The following GP6 variants were observed in gnomAD, a reference collection of about 807,000 sequenced individuals.
GP6 encodes glycoprotein VI platelet.
A neutral mutation model predicts 37.3 loss-of-function variants in GP6; 45 were observed. The ratio of observed to expected loss-of-function variants is 1.21; its 90% confidence interval spans 0.95 to 1.55. The LOEUF (loss-of-function observed/expected upper bound fraction) is 1.55, where lower values mean the gene tolerates loss of function less well. Ranked by LOEUF, GP6 falls within the 40% of genes most tolerant of loss-of-function variation. GP6 has a pLI of 0.00. For missense variants in GP6, 813 were observed against 760.2 expected, an observed-to-expected ratio of 1.07 and a Z score of -0.82; for synonymous variants, 340 against 316.4, an observed-to-expected ratio of 1.07 and a Z score of -0.79.
chr19:55,032,412 G>C lies in GP6; in HGVS notation c.68-16C>G, dbSNP rs374599246. ...GGGAGCGGTCCTGGAAGAGGAGCAGGGCTGGGTCAGCCTCCCCGCAGACCC... is the reference window on the plus strand; with the variant it reads ...GGGAGCGGTCCTGGAAGAGGAGCAGCGCTGGGTCAGCCTCCCCGCAGACCC... On this transcript the variant is annotated splice_polypyrimidine_tract_variant and intron_variant, in intron 2 of 7. Transcript: ENST00000310373. 6.2e-7 allele frequency: 1 copy of C among 1,611,942 alleles called. No homozygotes were observed. The highest frequency in any genetic ancestry group is 1.3e-5 in the African/African-American group (1 of 75,034).
At chr19:55,022,774 A>G (rs187626811) in intron 5 of GP6, among the ~76,000 whole-genome samples, 2 of 152,338 alleles carry the variant, frequency 1.3e-5, no homozygotes, top group Admixed American at 1.3e-4. Context: ...TACAAAGAGA[A>G]TAAAATACCT....
rs770304194 is a variant in GP6 at position 55,014,451 on chromosome 19, G to A, written c.1494C>T (p.Cys498=). Residue 498 remains cysteine (C), a synonymous_variant, in exon 8 of 8, where the codon TGC becomes TGT. Coordinates refer to ENST00000310373, the MANE Select transcript of GP6 (RefSeq NM_001083899.2). ...GAGACGAAAGGAGATTTGTTAGACC[G>A]CAGTGGGAGATGGAGTGAGGGTGAG... The A allele has an allele frequency of 1.1e-5, 17 of 1,613,046 alleles. No individual in the cohort carries two copies. The highest frequency in any genetic ancestry group is 6.7e-5 in the East Asian group (3 of 44,872).
At chr19:55,027,496 C>T in intron 4 of GP6, 82 bp downstream of exon 4, 1 of 1,170,100 alleles carries the variant, frequency 8.5e-7, no homozygotes, top group East Asian at 2.3e-5. Context: ...CCACTTCCTT[C>T]CCACTTATGG....
rs2073737204 is a variant in GP6 at position 55,013,879 on chromosome 19, T to C, written c.*203A>G. On this transcript the variant is annotated 3_prime_UTR_variant, in exon 8 of 8. Transcript: ENST00000310373. ...CCCAGTGGTACAGTTTTACACTCAT[T>C]AGATGGTCAAGAAATGCCTAAACGC... 5.5e-6 allele frequency: 2 copies of C among 363,242 alleles called. No individual in the cohort carries two copies. Among genetic ancestry groups the C allele is most frequent in the South Asian group, 2.1e-5 (1 of 47,882 alleles). 22.5% of individuals were successfully genotyped at this position (363,242 alleles called of 1,614,324 possible).
chr19:55,018,976 G>T (rs770170610), intron 5 of GP6, among the ~76,000 whole-genome samples: 15 of 152,046 alleles, frequency 9.9e-5, no homozygotes, highest in Non-Finnish European at 1.9e-4. Flanking sequence ...GAACATTGAC[G>T]TACAGGTTTT....
Position 55,018,646 on chromosome 19 carries a change from A to G in GP6, c.724+6T>C. 1 of 1,531,024 alleles carries G rather than the reference A, an allele frequency of 6.5e-7. No homozygotes were observed. Among genetic ancestry groups the G allele is most frequent in the East Asian group, 2.2e-5 (1 of 44,520 alleles). 94.8% of individuals were successfully genotyped at this position (1,531,024 alleles called of 1,614,324 possible). ...TCTGCTGAGCATGAAATGCCTGGTTACTCACCAGTTGTGAAGACTTCGTTT... is the reference window on the plus strand; with the variant it reads ...TCTGCTGAGCATGAAATGCCTGGTTGCTCACCAGTTGTGAAGACTTCGTTT... On this transcript the variant is annotated splice_donor_region_variant and intron_variant, in intron 6 of 7. Transcript: ENST00000310373.
In GP6 at chr19:55,018,685, T is replaced by C; in HGVS notation, c.691A>G (p.Thr231Ala). ...AAGACTTCGTTTGTGAATGAGACGG[T>C]CAGTTCAGCGGTGGCTTCTGAGAAT... The change falls in exon 6 of 8, where the codon ACC (threonine) becomes GCC (alanine). Residue 231 changes from threonine to alanine, a missense_variant. By Grantham distance (58) the Thr-to-Ala change is moderately conservative. Coordinates refer to ENST00000310373, the MANE Select transcript of GP6 (RefSeq NM_001083899.2). The C allele has an allele frequency of 1.2e-6, 2 of 1,609,324 alleles. No homozygotes were observed. Among genetic ancestry groups the C allele is most frequent in the East Asian group, 4.5e-5 (2 of 44,866 alleles).
At chr19:55,028,657 A>C (rs1208224092) in intron 3 of GP6, among the ~76,000 whole-genome samples, 2 of 152,224 alleles carry the variant, frequency 1.3e-5, no homozygotes, top group Non-Finnish European at 2.9e-5. Flanking sequence ...ACAAAGCTGG[A>C]CATATTTTAA....
At chr19:55,024,899 TTGGTTG>T (rs1440529183) in intron 5 of GP6, among the ~76,000 whole-genome samples, 41 of 151,984 alleles carry the variant, frequency 2.7e-4, no homozygotes, top group African/African-American at 9.4e-4. Context: ...GGTTGGTTGG[TTGGTTG>T]GTTAGTTTGT....
At chr19:55,023,289 T>G (rs2074148379) in intron 5 of GP6, among the ~76,000 whole-genome samples, 1 of 152,232 alleles carries the variant, frequency 6.6e-6, no homozygotes. Flanking sequence ...TGTTTTGATT[T>G]TGATTTCAAC....
intron 7 of GP6, 98 bp from the exon 8 acceptor site, chr19:55,015,263 A>T: frequency 6.5e-7 from 1 of 1,538,764 alleles, no homozygotes; most frequent in South Asian, 1.2e-5. Flanking sequence ...ATTATTCTCT[A>T]CTAGCTAGGG....
chr19:55,034,066 C>CTACATCTA (rs922240952), intron 1 of GP6, among the ~76,000 whole-genome samples: 5 of 151,174 alleles, frequency 3.3e-5, no homozygotes, highest in African/African-American at 1.2e-4. Context: ...ATATGTAAAC[C>CTACATCTA]TACATCTATA....
chr19:55,030,989 T>G (rs2074541616), intron 3 of GP6, among the ~76,000 whole-genome samples: 1 of 151,890 alleles, frequency 6.6e-6, no homozygotes, highest in African/African-American at 2.4e-5. Flanking sequence ...GCTGGGACTA[T>G]AGGTGTATGC....
intron 2 of GP6, 49 bp from the exon 3 acceptor site, chr19:55,032,445 A>AC (rs764293365): frequency 6.2e-7 from 1 of 1,612,434 alleles, no homozygotes. Context: ...CCCCGCCTGG[A>AC]CCCCGCTGCT....
At position 55,034,669 on chromosome 19, in the gene GP6, T is replaced by C. The variant is rs564552164; in HGVS notation, c.35-2131A>G. Among the ~76,000 whole-genome samples the C allele has an allele frequency of 2.0e-5, 3 of 151,528 alleles. No individual in the cohort carries two copies. The South Asian group carries it at 6.2e-4, about 32-fold the overall frequency. Reference sequence around the variant, plus strand: ...AAAAAAAGTACTAATTATCTGAAATTCCAATTTAACCAGGCATCCAGTGTT... The same window carrying C: ...AAAAAAAGTACTAATTATCTGAAATCCCAATTTAACCAGGCATCCAGTGTT... On this transcript the variant is annotated intron_variant, in intron 1 of 7. Coordinates refer to ENST00000310373, the MANE Select transcript of GP6 (RefSeq NM_001083899.2).
intron 3 of GP6, among the ~76,000 whole-genome samples, chr19:55,031,815 C>A (rs2146867800): frequency 6.6e-6 from 1 of 152,064 alleles, no homozygotes; most frequent in South Asian, 2.1e-4. Context: ...TCTATAAAAA[C>A]ATAAAAAATG....
At chr19:55,031,189 A>G (rs1461391170) in intron 3 of GP6, among the ~76,000 whole-genome samples, 3 of 152,208 alleles carry the variant, frequency 2.0e-5, no homozygotes, top group African/African-American at 4.8e-5. Context: ...AGATGTTAAC[A>G]TGAGGGGATC....
chr19:55,018,654 G>A lies in GP6; in HGVS notation c.722C>T (p.Thr241Ile), dbSNP rs760070554. Residue 241 changes from threonine to isoleucine, a missense_variant and splice_region_variant, in exon 6 of 8, where the codon ACT (threonine) becomes ATT (isoleucine). Transcript: ENST00000310373. ...GCATGAAATGCCTGGTTACTCACCA[G>A]TTGTGAAGACTTCGTTTGTGAATGA... is the stretch of plus-strand genomic sequence containing the variant. 5.7e-6 allele frequency: 9 copies of A among 1,573,534 alleles called. No homozygotes were observed. In the East Asian group the frequency reaches 1.8e-4, roughly 31 times the overall value.
chr19:55,034,807 C>T (rs1036269652), intron 1 of GP6, among the ~76,000 whole-genome samples: 6 of 151,944 alleles, frequency 3.9e-5, no homozygotes, highest in Non-Finnish European at 2.9e-5. Context: ...GCCAAGCAAC[C>T]TTGTGTAGCT....
Sources: gnomAD v4.1 joint callset for allele counts (sites outside exome capture counted in the v4.1 genomes callset) on GRCh38, gnomAD v4.1.1 for gene constraint, MANE v1.5 for transcripts, NCBI Gene and HGNC (gene_info 2026-07-23, HGNC 2026-07-21) for gene names.